Variants in PLCXD2 observed in about 807,000 individuals in gnomAD.
PLCXD2 encodes PI-PLC X domain-containing protein 2.
PLCXD2 carries 21 observed loss-of-function variants against 28.6 expected under a neutral mutation model. The ratio of observed to expected loss-of-function variants is 0.73; its 90% CI spans 0.52 to 1.06. The LOEUF is 1.06. Ranked by LOEUF, PLCXD2 falls within the 50% of genes least tolerant of loss-of-function variation. The pLI, the probability that PLCXD2 is intolerant of heterozygous loss-of-function variation, is 0.00. For synonymous variants in PLCXD2, 140 were observed against 150.1 expected (o/e 0.93, Z 0.49); for missense variants, 369 against 376.7 (o/e 0.98, Z 0.17).
chr3:111,684,757 C>G (rs1159276473), intron 1 of PLCXD2, among the ~76,000 whole-genome samples: 1 of 152,054 alleles, frequency 6.6e-6, no homozygotes, highest in Non-Finnish European at 1.5e-5. Context: ...AAAGATCACT[C>G]TCGCTGCAGC....
At chr3:111,678,262 C>T (rs1357058261) in intron 1 of PLCXD2, among the ~76,000 whole-genome samples, 1 of 152,198 alleles carries the variant, frequency 6.6e-6, no homozygotes, top group Non-Finnish European at 1.5e-5. Flanking sequence ...TGGCCAATAC[C>T]ACCAAACATA....
intron 3 of PLCXD2, 30 bp downstream of exon 3, chr3:111,714,158 A>C (rs371556668): frequency 8.1e-6 from 13 of 1,602,376 alleles, no homozygotes; most frequent in Non-Finnish European, 1.1e-5. Flanking sequence ...CCACAAGGAA[A>C]GCTTTTTAAA....
chr3:111,696,281 TA>T (rs1161068932), intron 1 of PLCXD2, among the ~76,000 whole-genome samples: 1 of 152,234 alleles, frequency 6.6e-6, no homozygotes, highest in East Asian at 1.9e-4. Flanking sequence ...CACCTTCTGG[TA>T]GCTAGCATCA....
rs1204784433 is a variant in PLCXD2 at position 111,713,890 on chromosome 3, C to T, written c.628C>T (p.Leu210Phe). 2 of 1,610,592 alleles carry T rather than the reference C, an allele frequency of 1.2e-6. No homozygotes were observed. The highest frequency in any genetic ancestry group is 2.2e-5 in the South Asian group (2 of 90,870). Residue 210 changes from leucine to phenylalanine, a missense_variant, in exon 3 of 5, where the codon CTT (leucine) becomes TTT (phenylalanine). Physicochemically the swap from Leu to Phe is conservative, Grantham distance 22. Coordinates refer to ENST00000477665, the MANE Select transcript of PLCXD2 (RefSeq NM_001185106.1). The stretch of plus-strand genomic sequence containing the variant: ...TTTTGTGTTTTGAATATTTCAGGTT[C>T]TTATTTTCTACCACTGTCCCTTCTA...
chr3:111,718,235 T>C (rs532058411), intron 3 of PLCXD2, among the ~76,000 whole-genome samples: 5 of 151,960 alleles, frequency 3.3e-5, no homozygotes, highest in Admixed American at 1.3e-4. Context: ...GAGGCCGAGG[T>C]GGGCGGATCA....
intron 1 of PLCXD2, among the ~76,000 whole-genome samples, chr3:111,681,411 C>G (rs1399922477): frequency 6.6e-6 from 1 of 152,214 alleles, no homozygotes; most frequent in Non-Finnish European, 1.5e-5. Context: ...ATCACTTGCC[C>G]TCCTAACCCA....
chr3:111,693,113 C>T (rs2107848402), intron 1 of PLCXD2, among the ~76,000 whole-genome samples: 1 of 152,100 alleles, frequency 6.6e-6, no homozygotes, highest in East Asian at 1.9e-4. Flanking sequence ...CCTCTGTTAT[C>T]TAAATACTTA....
At chr3:111,724,469 C>G (rs1941388688) in intron 3 of PLCXD2, 1 of 152,134 alleles carries the variant, frequency 6.6e-6, no homozygotes, top group Non-Finnish European at 1.5e-5. Context: ...CTCAATAAGA[C>G]AACGTAGTAG....
intron 3 of PLCXD2, among the ~76,000 whole-genome samples, chr3:111,719,401 T>A (rs1043242547): frequency 3.9e-5 from 6 of 152,100 alleles, no homozygotes; most frequent in South Asian, 2.1e-4. Context: ...ACAATTTTTT[T>A]AAAAGAAAAT....
chr3:111,702,343 G>C (rs1941055235), intron 1 of PLCXD2, among the ~76,000 whole-genome samples: 1 of 152,010 alleles, frequency 6.6e-6, no homozygotes, highest in Non-Finnish European at 1.5e-5. Flanking sequence ...AACAGAAGGA[G>C]AGAAAGTGGA....
intron 1 of PLCXD2, among the ~76,000 whole-genome samples, chr3:111,699,519 G>T (rs1056806935): frequency 1.3e-5 from 2 of 152,112 alleles, no homozygotes; most frequent in Non-Finnish European, 2.9e-5. Flanking sequence ...TTGTGTTCCA[G>T]ATAAAGAGCA....
intron 1 of PLCXD2, among the ~76,000 whole-genome samples, chr3:111,682,040 G>T (rs1398236868): frequency 6.6e-6 from 1 of 152,252 alleles, no homozygotes; most frequent in African/African-American, 2.4e-5. Flanking sequence ...ATAGGTGGGT[G>T]TGTTTGTGTG....
intron 2 of PLCXD2, 102 bp from the exon 3 acceptor site, chr3:111,713,785 T>C: frequency 7.8e-7 from 1 of 1,277,922 alleles, no homozygotes; most frequent in Non-Finnish European, 1.1e-6. Context: ...CCACATATGA[T>C]TATATTTTCT....
intron 3 of PLCXD2, chr3:111,725,819 G>A (rs1559800735): frequency 2.5e-6 from 1 of 398,362 alleles, no homozygotes; most frequent in Non-Finnish European, 4.4e-6. Flanking sequence ...ACAGTCTAGA[G>A]GCATATTCTG....
chr3:111,686,282 C>T (rs1430305469), intron 1 of PLCXD2, among the ~76,000 whole-genome samples: 1 of 152,212 alleles, frequency 6.6e-6, no homozygotes, highest in African/African-American at 2.4e-5. Context: ...TCTCCTCAGA[C>T]AGTGAGATGC....
At chr3:111,697,423 A>G (rs1381427917) in intron 1 of PLCXD2, among the ~76,000 whole-genome samples, 5 of 152,244 alleles carry the variant, frequency 3.3e-5, no homozygotes, top group African/African-American at 9.6e-5. Flanking sequence ...GAGATGAACT[A>G]ACATAAACTT....
chr3:111,704,217 A>T (rs939672500), intron 1 of PLCXD2, among the ~76,000 whole-genome samples: 1 of 152,254 alleles, frequency 6.6e-6, no homozygotes, highest in Non-Finnish European at 1.5e-5. Flanking sequence ...AGTGGTTAAG[A>T]ACAAGGTTAG....
At chr3:111,722,597 C>T (rs547769887) in intron 3 of PLCXD2, 3 of 152,338 alleles carry the variant, frequency 2.0e-5, no homozygotes, top group Admixed American at 1.3e-4. Context: ...ATCTGAGAAT[C>T]CCTAAGGAAG....
At chr3:111,699,667 T>C (rs529725651) in intron 1 of PLCXD2, among the ~76,000 whole-genome samples, 2 of 152,270 alleles carry the variant, frequency 1.3e-5, no homozygotes, top group Admixed American at 6.5e-5. Context: ...CATTCAAATC[T>C]CTCTCTTCCC....
Sources: allele counts gnomAD v4.1 joint callset (sites outside exome capture counted in the v4.1 genomes callset), GRCh38; gene constraint gnomAD v4.1.1; transcripts MANE v1.5; gene names NCBI Gene and HGNC (gene_info 2026-07-23, HGNC 2026-07-21).